SERGEF: variants seen among roughly 807,000 people sequenced by gnomAD.
SERGEF encodes secretion regulating guanine nucleotide exchange factor, also known as secretion-regulating guanine nucleotide exchange factor.
Under a neutral mutation model 50.0 loss-of-function variants are expected in SERGEF, and 51 were observed. The observed-to-expected ratio is 1.02, with a 90% CI of 0.81 to 1.29. SERGEF has a LOEUF of 1.29. Among genes scored for constraint, SERGEF ranks in the 50% most tolerant of loss-of-function variants. The probability of loss-of-function intolerance (pLI) is 0.00; values close to 1 mark genes in which losing one functional copy is unlikely to be tolerated. For synonymous variants in SERGEF, 205 were observed against 212.4 expected (o/e 0.97, Z 0.30); for missense variants, 521 against 557.0 (o/e 0.94, Z 0.65).
rs554267051 is a variant in SERGEF at position 17,868,385 on chromosome 11, T to C, written c.1048+9823A>G. On this transcript the variant is annotated intron_variant, in intron 10 of 10. Coordinates refer to ENST00000265965, the MANE Select transcript of SERGEF (RefSeq NM_012139.4). Reference sequence around the variant, plus strand: ...ACAACAAGGATCACCTTTACTCCAGTTCCCAACAAGTTCCTCATCTCCATC... The same window carrying C: ...ACAACAAGGATCACCTTTACTCCAGCTCCCAACAAGTTCCTCATCTCCATC... Among the ~76,000 whole-genome samples the C allele has an allele frequency of 4.6e-5, 7 of 152,326 alleles. No homozygotes were observed. In the East Asian group the frequency reaches 1.2e-3, roughly 25 times the overall value.
At chr11:17,865,395 T>C (rs1851002599) in intron 10 of SERGEF, among the ~76,000 whole-genome samples, 1 of 152,190 alleles carries the variant, frequency 6.6e-6, no homozygotes. Flanking sequence ...TACTTATCTT[T>C]TTTTTAAGTT....
chr11:17,811,544 A>G (rs1316342922), intron 10 of SERGEF, among the ~76,000 whole-genome samples: 7 of 152,220 alleles, frequency 4.6e-5, no homozygotes, highest in African/African-American at 1.7e-4. Context: ...GCTTCCAGAC[A>G]TGCTGCATCT....
intron 9 of SERGEF, among the ~76,000 whole-genome samples, chr11:17,945,416 C>G (rs760083525): frequency 6.6e-6 from 1 of 152,196 alleles, no homozygotes; most frequent in Non-Finnish European, 1.5e-5. Flanking sequence ...CTACTAGCCA[C>G]ATGTGGCTAC....
rs189485618 is a variant in SERGEF, at chr11:17,790,081, C to T, written c.1049-1668G>A. On this transcript the variant is annotated intron_variant, in intron 10 of 10. Transcript: ENST00000265965. ...TTTAATAGAAAGACGCAGATCTCCA[C>T]CCAGATTAAGAACATTAGCTAGCAT... 2.5e-3 allele frequency among the ~76,000 whole-genome samples: 384 copies of T among 152,326 alleles called. 1 individual carries two copies. The highest frequency in any genetic ancestry group is 8.9e-3 in the African/African-American group (370 of 41,572).
At chr11:17,962,418 C>T (rs1232087500) in intron 8 of SERGEF, among the ~76,000 whole-genome samples, 1 of 152,040 alleles carries the variant, frequency 6.6e-6, no homozygotes, top group Admixed American at 6.5e-5. Flanking sequence ...CAAGCTGATG[C>T]GTGCTGTCAA....
chr11:17,818,135 C>T (rs767126070), intron 10 of SERGEF, among the ~76,000 whole-genome samples: 16 of 152,098 alleles, frequency 1.1e-4, no homozygotes, highest in Non-Finnish European at 2.9e-5. Flanking sequence ...TCTGGGTGTC[C>T]GCTCTGCCCC....
chr11:17,953,137 C>T (rs968487594), intron 9 of SERGEF, among the ~76,000 whole-genome samples: 3 of 139,554 alleles, frequency 2.1e-5, no homozygotes, highest in African/African-American at 8.0e-5. Context: ...GAAAGGGTCA[C>T]CAAGACACGG....
At chr11:17,935,955 TCA>T (rs569340954) in intron 9 of SERGEF, among the ~76,000 whole-genome samples, 1,571 of 152,260 alleles carry the variant, frequency 0.01, 27 homozygotes, top group African/African-American at 0.036. Context: ...TCCTCAAAGA[TCA>T]CTACCCATTC....
At position 17,892,345 on chromosome 11, in the gene SERGEF, AT is replaced by A. The variant is rs1312816526; in HGVS notation, c.1012-14102del. On this transcript the variant is annotated intron_variant, in intron 9 of 10. Transcript: ENST00000265965. ...AGTAGAGATTTGAAAAATCATTTGT[AT>A]ATTTATGCTCATTTTTGCCTTCTGC... Among the ~76,000 whole-genome samples the A allele has an allele frequency of 2.0e-5, 3 of 152,186 alleles. No homozygotes were observed. In the East Asian group the frequency reaches 5.8e-4, roughly 29 times the overall value.
At chr11:17,845,608 G>T (rs1850592789) in intron 10 of SERGEF, among the ~76,000 whole-genome samples, 1 of 152,166 alleles carries the variant, frequency 6.6e-6, no homozygotes, top group Admixed American at 6.5e-5. Flanking sequence ...GAATTAGCTT[G>T]TGTCCATGTT....
At chr11:17,892,577 G>C (rs905421281) in intron 9 of SERGEF, among the ~76,000 whole-genome samples, 1 of 152,150 alleles carries the variant, frequency 6.6e-6, no homozygotes, top group African/African-American at 2.4e-5. Context: ...GAACCTAGAA[G>C]TTTTTAAACT....
intron 10 of SERGEF, among the ~76,000 whole-genome samples, chr11:17,870,404 G>A (rs1851117764): frequency 6.6e-6 from 1 of 152,180 alleles, no homozygotes; most frequent in Non-Finnish European, 1.5e-5. Flanking sequence ...AGAAAGACTT[G>A]AAAAGCTATG....
At chr11:17,936,068 C>T (rs1274187444) in intron 9 of SERGEF, among the ~76,000 whole-genome samples, 1 of 152,104 alleles carries the variant, frequency 6.6e-6, no homozygotes, top group Non-Finnish European at 1.5e-5. Flanking sequence ...CTGAAATTTC[C>T]CAGGACTCTA....
At chr11:17,878,327 C>G in intron 9 of SERGEF, 83 bp from the exon 10 acceptor site, 3 of 1,128,950 alleles carry the variant, frequency 2.7e-6, no homozygotes, top group Non-Finnish European at 3.8e-6. Context: ...TCTAATGACA[C>G]TAACATCCAT....
intron 9 of SERGEF, among the ~76,000 whole-genome samples, chr11:17,920,874 T>A (rs1852142603): frequency 6.6e-6 from 1 of 152,244 alleles, no homozygotes; most frequent in South Asian, 2.1e-4. Context: ...GTTTGAAGAA[T>A]CAGGCCAGCT....
At chr11:18,003,325 G>T (rs1854003456) in intron 4 of SERGEF, among the ~76,000 whole-genome samples, 1 of 152,184 alleles carries the variant, frequency 6.6e-6, no homozygotes, top group Admixed American at 6.5e-5. Flanking sequence ...ACAAAAAGGG[G>T]TGATTTTAAG....
chr11:17,938,786 G>A (rs1464621716), intron 9 of SERGEF, among the ~76,000 whole-genome samples: 53 of 152,190 alleles, frequency 3.5e-4, no homozygotes, highest in Non-Finnish European at 1.5e-5. Context: ...TACAGGAAGT[G>A]AAATAGCATC....
Position 17,977,130 on chromosome 11 carries a change from G to A in SERGEF, c.844+11467C>T, listed in dbSNP as rs146954888. ...CATGCCACCAGCACTCGAGTCTCTC[G>A]TCTATAGTTGGAGAAATCCAGGGAT... On this transcript the variant is annotated intron_variant, in intron 8 of 10. Transcript: ENST00000265965. Among the ~76,000 whole-genome samples the A allele has an allele frequency of 3.6e-3, 545 of 152,348 alleles. 1 individual carries two copies. The highest frequency in any genetic ancestry group is 0.011 in the African/African-American group (454 of 41,586).
intron 10 of SERGEF, among the ~76,000 whole-genome samples, chr11:17,860,736 T>A (rs957280071): frequency 6.6e-6 from 1 of 152,226 alleles, no homozygotes; most frequent in Non-Finnish European, 1.5e-5. Context: ...GAGTTTAAGA[T>A]CTTAATAGGT....
Sources: allele counts gnomAD v4.1 joint callset (sites outside exome capture counted in the v4.1 genomes callset), GRCh38; gene constraint gnomAD v4.1.1; transcripts MANE v1.5; gene names NCBI Gene and HGNC (gene_info 2026-07-23, HGNC 2026-07-21).